The following TNC variants were observed in gnomAD, a reference collection of about 807,000 sequenced individuals.
The protein encoded by TNC is tenascin.
TNC carries 109 observed loss-of-function variants against 202.4 expected under a neutral mutation model. The observed-to-expected ratio is 0.54, with a 90% CI of 0.46 to 0.63. The LOEUF (loss-of-function observed/expected upper bound fraction) is 0.63. Among genes scored for constraint, TNC ranks in the 30% least tolerant of loss-of-function variants. TNC has a pLI of 0.00. For synonymous variants in TNC, 1,007 were observed against 1,089.7 expected (o/e 0.92, Z 1.50); for missense variants, 2,756 against 2,833.3 (o/e 0.97, Z 0.62).
chr9:115,109,966 A>G (rs1281082202), intron 1 of TNC, among the ~76,000 whole-genome samples: 1 of 152,206 alleles, frequency 6.6e-6, no homozygotes, highest in Non-Finnish European at 1.5e-5. Context: ...GCTAGGTTTC[A>G]GATAAACCAG....
rs554227134 is a variant in TNC, at chr9:115,030,419, A to G, written c.5921-14T>C. 1.9e-6 allele frequency: 3 copies of G among 1,608,748 alleles called. No homozygotes were observed. The highest frequency in any genetic ancestry group is 2.6e-6 in the Non-Finnish European group (3 of 1,176,162). The stretch of plus-strand genomic sequence containing the variant: ...ACAGGAGTCCAACTGTGGAATAAGG[A>G]GAAATGGTGATGCTCTCAGTGCAGG... On this transcript the variant is annotated splice_polypyrimidine_tract_variant and intron_variant, in intron 23 of 27. Transcript: ENST00000350763.
intron 23 of TNC, 85 bp from the exon 24 acceptor site, chr9:115,030,490 A>G: frequency 7.1e-7 from 1 of 1,409,908 alleles, no homozygotes; most frequent in Admixed American, 2.4e-5. Flanking sequence ...TATGGACTAG[A>G]ATGCCTGGGG....
chr9:115,030,129 T>G, intron 24 of TNC, 125 bp downstream of exon 24: 1 of 1,007,184 alleles, frequency 9.9e-7, no homozygotes, highest in Non-Finnish European at 1.4e-6. Flanking sequence ...GGCACTATCT[T>G]GCAAGGCCTC....
Position 115,073,831 on chromosome 9 carries a change from T to C in TNC, c.2986A>G (p.Thr996Ala), listed in dbSNP as rs766455145. ...DTPKDLQVSE[T>A]AETSLTLLWK... ...AGCAGGGTCAGGCTGGTCTCTGCAG[T>C]TTCAGAAACCTGAAGGTCCTTGGGC... The change falls in exon 10 of 28, where the codon ACT becomes GCT. Residue 996 changes from threonine to alanine, a missense_variant. Thr to Ala is a moderately conservative substitution (Grantham distance 58). Around this residue, in one of 2 missense-constraint regions of TNC, gnomAD observed 2,559 missense variants for 2,546.0 expected, o/e 1.01. Transcript: ENST00000350763. 3.1e-6 allele frequency: 5 copies of C among 1,613,048 alleles called. No individual in the cohort carries two copies. In the African/African-American group the frequency reaches 4.0e-5, roughly 13 times the overall value.
chr9:115,071,130 T>C (rs990618648), intron 10 of TNC, among the ~76,000 whole-genome samples: 1 of 152,182 alleles, frequency 6.6e-6, no homozygotes, highest in Non-Finnish European at 1.5e-5. Context: ...CCCCAGAACT[T>C]AGCACAGAGC....
chr9:115,028,358 C>T (rs1406353482), intron 25 of TNC, among the ~76,000 whole-genome samples: 6 of 152,072 alleles, frequency 3.9e-5, no homozygotes, highest in Admixed American at 3.9e-4. Flanking sequence ...GACACCTTGC[C>T]CACCCGGTGG....
intron 24 of TNC, 23 bp downstream of exon 24, chr9:115,030,231 C>T: frequency 6.3e-7 from 1 of 1,593,512 alleles, no homozygotes; most frequent in Non-Finnish European, 8.6e-7. Context: ...CCTGAGGGCT[C>T]TGCAGTCCCT....
At chr9:115,039,853 T>C (rs1247052773) in intron 19 of TNC, among the ~76,000 whole-genome samples, 2 of 152,224 alleles carry the variant, frequency 1.3e-5, no homozygotes, top group Non-Finnish European at 2.9e-5. Flanking sequence ...AATCCACTGA[T>C]GAAAGATTTC....
At chr9:115,110,003 A>G (rs1360710431) in intron 1 of TNC, among the ~76,000 whole-genome samples, 1 of 152,172 alleles carries the variant, frequency 6.6e-6, no homozygotes, top group Non-Finnish European at 1.5e-5. Context: ...TAGGAACTAT[A>G]TTGTCAAGAG....
chr9:115,077,822 GAA>G, intron 7 of TNC, 119 bp downstream of exon 7: 1 of 1,044,742 alleles, frequency 9.6e-7, no homozygotes, highest in African/African-American at 1.6e-5. Context: ...TACAGGAGTA[GAA>G]ATACCCCTTT....
In TNC at chr9:115,064,781, C is replaced by G; in HGVS notation, c.3353G>C (p.Arg1118Pro). The G allele has an allele frequency of 1.2e-6, 2 of 1,614,076 alleles. No individual in the cohort carries two copies. The highest frequency in any genetic ancestry group is 2.2e-5 in the South Asian group (2 of 91,068). The change falls in exon 11 of 28, where the codon CGG (arginine) becomes CCG (proline). Residue 1118 changes from arginine to proline, a missense_variant. By Grantham distance (103) the Arg-to-Pro change is moderately radical (BLOSUM62 -2). Transcript: ENST00000350763. ...AAGGCTGCCAGGCACGGTGAGGTTCCGAGCTGCCTCCACCTTGTTGGCCTC... is the reference window on the plus strand; with the variant it reads ...AAGGCTGCCAGGCACGGTGAGGTTCGGAGCTGCCTCCACCTTGTTGGCCTC... ...VQEANKVEAA[R>P]NLTVPGSLRA...
chr9:115,073,929 GA>G, intron 9 of TNC, 63 bp from the exon 10 acceptor site: 1 of 1,528,426 alleles, frequency 6.5e-7, no homozygotes, highest in Non-Finnish European at 8.8e-7. Context: ...TTCTGGGGCT[GA>G]AAGTCAACTG....
At chr9:115,092,861 C>T (rs1329987264) in intron 1 of TNC, among the ~76,000 whole-genome samples, 1 of 151,914 alleles carries the variant, frequency 6.6e-6, no homozygotes, top group Non-Finnish European at 1.5e-5. Context: ...GCTAGGATTA[C>T]AGGCATGAGC....
intron 25 of TNC, among the ~76,000 whole-genome samples, chr9:115,028,096 C>A (rs555487757): frequency 6.6e-6 from 1 of 152,248 alleles, no homozygotes; most frequent in African/African-American, 2.4e-5. Context: ...ATTTTGCAAC[C>A]CTTGCTGACA....
chr9:115,070,828 C>T (rs1366902064), intron 10 of TNC, among the ~76,000 whole-genome samples: 1 of 152,214 alleles, frequency 6.6e-6, no homozygotes, highest in Non-Finnish European at 1.5e-5. Context: ...AGAGCTCTCG[C>T]TTTTCCTGTT....
rs1225812169 is a variant in TNC at position 115,064,041 on chromosome 9, A to G, written c.3515T>C (p.Val1172Ala). ...GGCATCCCAGCCCACCTCGGCCACC[A>G]CGACCTCTCCCAAATTGGGAGTTTC... The part of the protein sequence containing the change: ...TGETPNLGEV[V>A]VAEVGWDALK... The change falls in exon 12 of 28, where the codon GTG becomes GCG. Residue 1172 changes from valine (V) to alanine (A), a missense_variant. Val to Ala is a moderately conservative substitution (Grantham distance 64). Coordinates refer to ENST00000350763, the MANE Select transcript of TNC (RefSeq NM_002160.4). 6.2e-7 allele frequency: 1 copy of G among 1,610,494 alleles called. No homozygotes were observed. Among genetic ancestry groups the G allele is most frequent in the Non-Finnish European group, 8.5e-7 (1 of 1,177,828 alleles).
rs1342071173 is a variant in TNC at position 115,019,758 on chromosome 9, T to G, written c.*1399A>C. On this transcript the variant is annotated 3_prime_UTR_variant, in exon 28 of 28. Coordinates refer to ENST00000350763, the MANE Select transcript of TNC (RefSeq NM_002160.4). ...TAACATAATTTATTCTTCACAAAAA[T>G]GTTCTGAAATGAGAAGTATGAGTGT... is the stretch of plus-strand genomic sequence containing the variant. 1 of 152,140 alleles carries G rather than the reference T, an allele frequency of 6.6e-6. No homozygotes were observed. The highest frequency in any genetic ancestry group is 2.4e-5 in the African/African-American group (1 of 41,414). 9.4% of individuals were successfully genotyped at this position (152,140 alleles called of 1,614,324 possible). A position where few individuals can be genotyped will look rare whatever the true frequency, so the allele number is the denominator to read the frequency against.
intron 13 of TNC, among the ~76,000 whole-genome samples, chr9:115,062,676 A>G (rs909933814): frequency 6.6e-6 from 1 of 151,456 alleles, no homozygotes; most frequent in African/African-American, 2.4e-5. Flanking sequence ...CACACACACT[A>G]TATATATAAG....
At chr9:115,046,824 A>C (rs1831238327) in intron 16 of TNC, 142 bp from the exon 17 acceptor site, 7 of 940,380 alleles carry the variant, frequency 7.4e-6, no homozygotes, top group Non-Finnish European at 1.1e-5. Flanking sequence ...ACCAAAAATA[A>C]AATCATTCAA....
Sources: allele counts gnomAD v4.1 joint callset (sites outside exome capture counted in the v4.1 genomes callset), GRCh38; gene constraint gnomAD v4.1.1; regional missense constraint gnomAD v4.1.1; transcripts MANE v1.5; gene names NCBI Gene and HGNC (gene_info 2026-07-23, HGNC 2026-07-21).